The following PTPN13 variants were observed in gnomAD, a reference collection of about 807,000 sequenced individuals.
PTPN13 encodes the protein tyrosine-protein phosphatase non-receptor type 13.
PTPN13 carries 191 observed loss-of-function variants against 284.0 expected under a neutral mutation model. That is an observed-to-expected ratio of 0.67 (90% confidence interval 0.60 to 0.76). The LOEUF (loss-of-function observed/expected upper bound fraction) is 0.76. Among genes scored for constraint, PTPN13 ranks in the 30% least tolerant of loss-of-function variants. The probability of loss-of-function intolerance (pLI) is 0.00; values close to 1 mark genes in which losing one functional copy is unlikely to be tolerated. For missense variants in PTPN13, 2,797 were observed against 2,939.9 expected (o/e 0.95, Z 1.12); for synonymous variants, 986 against 1,022.3 (o/e 0.96, Z 0.68).
At chr4:86,651,056 C>T (rs1725023557) in intron 2 of PTPN13, among the ~76,000 whole-genome samples, 1 of 152,122 alleles carries the variant, frequency 6.6e-6, no homozygotes, top group Non-Finnish European at 1.5e-5. Context: ...GTGAGTTTGT[C>T]ATATATGGCC....
At chr4:86,792,212 G>A (rs1439229621) in intron 40 of PTPN13, among the ~76,000 whole-genome samples, 2 of 152,212 alleles carry the variant, frequency 1.3e-5, no homozygotes, top group Non-Finnish European at 2.9e-5. Flanking sequence ...CATGACACAT[G>A]CACAAGCTTC....
chr4:86,631,609 T>C (rs549260242), intron 1 of PTPN13, among the ~76,000 whole-genome samples: 2 of 152,286 alleles, frequency 1.3e-5, no homozygotes, highest in Non-Finnish European at 2.9e-5. Context: ...TTCCTTTCTA[T>C]GTTTTGGAGT....
chr4:86,782,265 A>G lies in PTPN13; in HGVS notation c.6024+3A>G, dbSNP rs752519627. The G allele has an allele frequency of 1.6e-5, 25 of 1,601,178 alleles. No individual in the cohort carries two copies. Among genetic ancestry groups the G allele is most frequent in the Non-Finnish European group, 2.0e-5 (23 of 1,168,464 alleles). On this transcript the variant is annotated splice_donor_region_variant and intron_variant, in intron 37 of 47. Coordinates refer to ENST00000411767, the MANE Select transcript of PTPN13 (RefSeq NM_080683.3). The stretch of plus-strand genomic sequence containing the variant: ...CTCCTAATGATTCATTCTCCACGGT[A>G]AGAAAAAGCCCACCCTCTTTCATGT...
chr4:86,687,492 G>A (rs1217185758), intron 4 of PTPN13, among the ~76,000 whole-genome samples: 3 of 152,064 alleles, frequency 2.0e-5, no homozygotes, highest in African/African-American at 7.2e-5. Context: ...GCATTTATAA[G>A]TCAAAACCAA....
At chr4:86,660,741 G>A (rs1299941789) in intron 2 of PTPN13, among the ~76,000 whole-genome samples, 2 of 152,068 alleles carry the variant, frequency 1.3e-5, no homozygotes, top group Non-Finnish European at 2.9e-5. Flanking sequence ...TATGAATAAT[G>A]TAGGTTATTT....
chr4:86,665,206 A>G (rs1726931881), intron 2 of PTPN13, among the ~76,000 whole-genome samples: 1 of 152,192 alleles, frequency 6.6e-6, no homozygotes, highest in African/African-American at 2.4e-5. Context: ...AGCAGCTTGC[A>G]TGTGTTTAGT....
chr4:86,719,764 A>G (rs1733444918), intron 9 of PTPN13, among the ~76,000 whole-genome samples: 2 of 152,110 alleles, frequency 1.3e-5, no homozygotes, highest in Non-Finnish European at 2.9e-5. Flanking sequence ...GGCTGCATGT[A>G]TATCTTCTTT....
intron 33 of PTPN13, 122 bp downstream of exon 33, chr4:86,774,653 C>T (rs1740396215): frequency 2.5e-6 from 2 of 787,252 alleles, no homozygotes; most frequent in Non-Finnish European, 1.7e-6. Flanking sequence ...CTGTTTCCAC[C>T]ACTTAAAAGT....
intron 2 of PTPN13, among the ~76,000 whole-genome samples, chr4:86,671,979 A>G (rs1015381264): frequency 4.6e-5 from 7 of 152,212 alleles, no homozygotes; most frequent in African/African-American, 1.7e-4. Context: ...CCTTTCACCA[A>G]TTTCTTAAAG....
intron 2 of PTPN13, among the ~76,000 whole-genome samples, chr4:86,651,531 A>G (rs887559213): frequency 6.6e-6 from 1 of 151,016 alleles, no homozygotes; most frequent in Non-Finnish European, 1.5e-5. Flanking sequence ...CATCTCCTTG[A>G]TTTATTGGAA....
At chr4:86,803,280 A>G (rs1026422477) in intron 42 of PTPN13, among the ~76,000 whole-genome samples, 2 of 151,016 alleles carry the variant, frequency 1.3e-5, no homozygotes, top group African/African-American at 4.9e-5. Context: ...AAATATATAA[A>G]ATAAATAAAA....
chr4:86,776,640 A>C (rs113310779), intron 35 of PTPN13, among the ~76,000 whole-genome samples: 1 of 152,196 alleles, frequency 6.6e-6, no homozygotes, highest in Non-Finnish European at 1.5e-5. Context: ...AAAATACCCA[A>C]CCTACCAAAC....
chr4:86,595,710 T>C (rs765603060), intron 1 of PTPN13: 63 of 985,266 alleles, frequency 6.4e-5, no homozygotes, highest in African/African-American at 4.0e-4. Flanking sequence ...TCGCAGAAAA[T>C]GGGGCAATCG....
At chr4:86,632,581 G>C (rs1722584003) in intron 1 of PTPN13, among the ~76,000 whole-genome samples, 1 of 151,896 alleles carries the variant, frequency 6.6e-6, no homozygotes. Flanking sequence ...CCTCAGCCTA[G>C]TTTTCTTTCA....
intron 8 of PTPN13, among the ~76,000 whole-genome samples, 189 bp from the exon 9 acceptor site, chr4:86,716,835 A>AGGT (rs1733080790): frequency 6.6e-6 from 1 of 152,216 alleles, no homozygotes; most frequent in Non-Finnish European, 1.5e-5. Context: ...TTCATTACAG[A>AGGT]GATAATAATT....
chr4:86,724,411 G>T (rs1338458882), intron 10 of PTPN13, among the ~76,000 whole-genome samples: 6 of 152,130 alleles, frequency 3.9e-5, no homozygotes, highest in Admixed American at 2.0e-4. Context: ...CTAGACTTTG[G>T]TTCATTCACA....
At chr4:86,773,147 A>T (rs1578634004) in intron 32 of PTPN13, among the ~76,000 whole-genome samples, 189 bp downstream of exon 32, 3 of 152,272 alleles carry the variant, frequency 2.0e-5, no homozygotes, top group African/African-American at 7.2e-5. Context: ...CCTGAGTATA[A>T]ATCCTGACTC....
chr4:86,798,215 G>C (rs564146963), intron 41 of PTPN13, among the ~76,000 whole-genome samples: 2 of 152,170 alleles, frequency 1.3e-5, no homozygotes, highest in African/African-American at 4.8e-5. Context: ...TTGATGAGAC[G>C]AATGAGCAGG....
At chr4:86,798,106 T>C (rs1177215605) in intron 41 of PTPN13, among the ~76,000 whole-genome samples, 1 of 152,164 alleles carries the variant, frequency 6.6e-6, no homozygotes, top group Non-Finnish European at 1.5e-5. Flanking sequence ...CCTTTACAGA[T>C]TTTTTGAGAT....
Sources: gnomAD v4.1 joint callset for allele counts (sites outside exome capture counted in the v4.1 genomes callset) on GRCh38, gnomAD v4.1.1 for gene constraint, MANE v1.5 for transcripts, NCBI Gene and HGNC (gene_info 2026-07-23, HGNC 2026-07-21) for gene names.